Variants in MYO16 observed in about 807,000 individuals in gnomAD.
MYO16 encodes the protein unconventional myosin-XVI.
Under a neutral mutation model 205.3 loss-of-function variants are expected in MYO16, and 94 were observed. That is an observed-to-expected ratio of 0.46 (90% confidence interval 0.39 to 0.54). The LOEUF (loss-of-function observed/expected upper bound fraction) is 0.54. Among genes scored for constraint, MYO16 ranks in the 20% least tolerant of loss-of-function variants. MYO16 has a pLI of 0.00. For synonymous variants in MYO16, 988 were observed against 954.0 expected, an observed-to-expected ratio of 1.04 and a Z score of -0.66; for missense variants, 2,315 against 2,387.5, an observed-to-expected ratio of 0.97 and a Z score of 0.63.
chr13:109,086,020 T>C (rs1478780988), intron 27 of MYO16, among the ~76,000 whole-genome samples: 1 of 152,172 alleles, frequency 6.6e-6, no homozygotes, highest in East Asian at 1.9e-4. Context: ...CTAGAGAAAA[T>C]ATGTTAAAAC....
At chr13:108,962,290 G>A (rs976985209) in intron 18 of MYO16, 134 bp from the exon 19 acceptor site, 1 of 643,540 alleles carries the variant, frequency 1.6e-6, no homozygotes. Context: ...CAATTACAGT[G>A]GTAATGACTT....
intron 31 of MYO16, among the ~76,000 whole-genome samples, chr13:109,131,360 A>G (rs1171533022): frequency 6.6e-6 from 1 of 152,188 alleles, no homozygotes; most frequent in Non-Finnish European, 1.5e-5. Flanking sequence ...TTACTAGCAT[A>G]TGTCTTTCCT....
intron 2 of MYO16, among the ~76,000 whole-genome samples, chr13:108,677,608 C>G (rs1452689207): frequency 6.6e-6 from 1 of 151,614 alleles, no homozygotes; most frequent in African/African-American, 2.4e-5. Flanking sequence ...GGGTTCTGCT[C>G]TTTATAATTA....
At chr13:108,999,224 C>T (rs533012552) in intron 21 of MYO16, among the ~76,000 whole-genome samples, 2 of 152,148 alleles carry the variant, frequency 1.3e-5, no homozygotes, top group East Asian at 3.9e-4. Context: ...AATTGATACA[C>T]AAATATGATA....
the MYO16 span, among the ~76,000 whole-genome samples, chr13:108,496,401 G>A: frequency 6.6e-6 from 1 of 152,198 alleles, no homozygotes; most frequent in Non-Finnish European, 1.5e-5. Context: ...GGAAAAGAGA[G>A]CAGAACAAAG....
intron 2 of MYO16, among the ~76,000 whole-genome samples, chr13:108,710,634 C>CA (rs1883683988): frequency 6.6e-6 from 1 of 152,230 alleles, no homozygotes; most frequent in South Asian, 2.1e-4. Flanking sequence ...GTTCTACTGA[C>CA]AAAAAACTGA....
intron 2 of MYO16, among the ~76,000 whole-genome samples, chr13:108,711,984 G>T (rs1190370192): frequency 6.6e-6 from 1 of 152,178 alleles, no homozygotes; most frequent in African/African-American, 2.4e-5. Flanking sequence ...TTCATTTTAA[G>T]TAGCAGAGAA....
chr13:108,614,615 T>G (rs894034145), intron 1 of MYO16, among the ~76,000 whole-genome samples: 1 of 152,072 alleles, frequency 6.6e-6, no homozygotes, highest in African/African-American at 2.4e-5. Flanking sequence ...GATACTGGCA[T>G]AAGGCTGGAT....
chr13:108,664,586 A>G (rs1412056591), intron 1 of MYO16, among the ~76,000 whole-genome samples: 1 of 152,232 alleles, frequency 6.6e-6, no homozygotes, highest in Non-Finnish European at 1.5e-5. Flanking sequence ...TACCCTTAGT[A>G]TATAATCTTC....
At chr13:109,075,870 G>A (rs937776219) in intron 27 of MYO16, among the ~76,000 whole-genome samples, 3 of 152,072 alleles carry the variant, frequency 2.0e-5, no homozygotes, top group African/African-American at 7.2e-5. Context: ...TTGTGAAGAA[G>A]ACTGTGCAGA....
chr13:109,042,210 G>A (rs527661412), intron 23 of MYO16, among the ~76,000 whole-genome samples: 69 of 152,296 alleles, frequency 4.5e-4, no homozygotes, highest in African/African-American at 1.5e-3. Context: ...ACTGATCAAG[G>A]AAAGTATCAC....
At chr13:108,501,884 A>G in the MYO16 span, among the ~76,000 whole-genome samples, 1 of 152,220 alleles carries the variant, frequency 6.6e-6, no homozygotes, top group Non-Finnish European at 1.5e-5. Context: ...GATGTTTAGT[A>G]TAATTTATGA....
At position 108,785,622 on chromosome 13, in the gene MYO16, T is replaced by C. The variant is rs777532083; in HGVS notation, c.508-13T>C. 6 of 1,535,610 alleles carry C rather than the reference T, an allele frequency of 3.9e-6. No individual in the cohort carries two copies. The East Asian group carries it at 1.1e-4, about 29-fold the overall frequency. On this transcript the variant is annotated splice_polypyrimidine_tract_variant and intron_variant, in intron 4 of 34. Coordinates refer to ENST00000457511, the MANE Select transcript of MYO16 (RefSeq NM_001198950.3). ...CAGTATATATGATGTTATATTTTTTTCTTTTTATCTAGGCTGGAGCCAATG... is the reference window on the plus strand; with the variant it reads ...CAGTATATATGATGTTATATTTTTTCCTTTTTATCTAGGCTGGAGCCAATG...
rs188270739 is a variant in MYO16, at chr13:109,052,521, A to G, written c.3048+46A>G. 29 of 1,417,166 alleles carry G rather than the reference A, an allele frequency of 2.0e-5. No individual in the cohort carries two copies. The African/African-American group carries it at 2.8e-4, about 13-fold the overall frequency. 87.8% of individuals were successfully genotyped at this position (1,417,166 alleles called of 1,614,324 possible). A position where few individuals can be genotyped will look rare whatever the true frequency, so the allele number is the denominator to read the frequency against. Reference sequence around the variant, plus strand: ...TGTTGGATTATTTTTAATTTTGATAAGTATATTTGCTTCTTTTTTTTTAAA... The same window carrying G: ...TGTTGGATTATTTTTAATTTTGATAGGTATATTTGCTTCTTTTTTTTTAAA... On this transcript the variant is annotated intron_variant, in intron 25 of 34. Transcript: ENST00000457511.
intron 3 of MYO16, among the ~76,000 whole-genome samples, chr13:108,718,398 G>T (rs899346874): frequency 6.6e-6 from 1 of 151,846 alleles, no homozygotes; most frequent in African/African-American, 2.4e-5. Flanking sequence ...AATCACAGCA[G>T]AAGACAATAT....
At chr13:108,717,208 C>T (rs571418983) in intron 3 of MYO16, among the ~76,000 whole-genome samples, 17 of 152,188 alleles carry the variant, frequency 1.1e-4, no homozygotes, top group Non-Finnish European at 2.2e-4. Flanking sequence ...CTGAACCCTC[C>T]ACCTCAGACT....
upstream of MYO16, among the ~76,000 whole-genome samples, chr13:108,592,539 A>T (rs1490293647): frequency 1.2e-5 from 1 of 83,150 alleles, no homozygotes; most frequent in Non-Finnish European, 2.4e-5. Context: ...TGGGTGGGGG[A>T]AATGTGGGGG....
At chr13:108,968,381 G>T (rs879842058) in intron 20 of MYO16, among the ~76,000 whole-genome samples, 3 of 152,120 alleles carry the variant, frequency 2.0e-5, no homozygotes, top group Admixed American at 2.0e-4. Flanking sequence ...AGGCCAACGC[G>T]GGTGGATCAC....
intron 7 of MYO16, among the ~76,000 whole-genome samples, chr13:108,810,898 T>G (rs2138992985): frequency 6.6e-6 from 1 of 152,322 alleles, no homozygotes; most frequent in East Asian, 1.9e-4. Context: ...ATTTTAAAAC[T>G]GCCTTTTATA....
Sources: gnomAD v4.1 joint callset for allele counts (sites outside exome capture counted in the v4.1 genomes callset) on GRCh38, gnomAD v4.1.1 for gene constraint, MANE v1.5 for transcripts, NCBI Gene and HGNC (gene_info 2026-07-23, HGNC 2026-07-21) for gene names.